Variants in SLC9B2 observed in about 807,000 individuals in gnomAD.
The protein encoded by SLC9B2 is solute carrier family 9 member B2, also known as sodium/hydrogen exchanger 9B2.
In SLC9B2, 39 loss-of-function variants were observed where a neutral mutation model predicts 52.2. The ratio of observed to expected loss-of-function variants is 0.75; its 90% CI spans 0.58 to 0.98. The LOEUF is 0.98. Ranked by LOEUF, SLC9B2 falls within the 50% of genes least tolerant of loss-of-function variation. The probability of loss-of-function intolerance (pLI) is 0.00; values close to 1 mark genes in which losing one functional copy is unlikely to be tolerated. For synonymous variants in SLC9B2, 214 were observed against 227.0 expected, an observed-to-expected ratio of 0.94 and a Z score of 0.51; for missense variants, 626 against 637.5, an observed-to-expected ratio of 0.98 and a Z score of 0.19.
At chr4:103,056,797 T>C (rs1246512605) in intron 4 of SLC9B2, among the ~76,000 whole-genome samples, 1 of 152,216 alleles carries the variant, frequency 6.6e-6, no homozygotes, top group Non-Finnish European at 1.5e-5. Flanking sequence ...GTTGCAGTTC[T>C]ACCAAGATTT....
At chr4:103,019,517 TACCGCAAGGAAAC>T, downstream of SLC9B2, 1 of 937,068 alleles carries the variant, frequency 1.1e-6, no homozygotes, top group Non-Finnish European at 1.3e-6. Context: ...TCCTGCGGCC[TACCGCAAGGAAAC>T]GATCGCGGCA....
chr4:103,031,909 C>G (rs1350931243), intron 9 of SLC9B2, 101 bp from the exon 10 acceptor site: 2 of 1,181,066 alleles, frequency 1.7e-6, no homozygotes, highest in Admixed American at 4.3e-5. Context: ...CTGAGATAAG[C>G]TTTATTTCTG....
At chr4:103,066,546 T>C (rs1746147580) in intron 2 of SLC9B2, 39 bp from the exon 3 acceptor site, 1 of 1,568,134 alleles carries the variant, frequency 6.4e-7, no homozygotes, top group South Asian at 1.2e-5. Context: ...TAAAACTGTA[T>C]ATATTTTACA....
At chr4:103,073,610 A>G (rs1266884794) in intron 1 of SLC9B2, among the ~76,000 whole-genome samples, 1 of 152,220 alleles carries the variant, frequency 6.6e-6, no homozygotes, top group Non-Finnish European at 1.5e-5. Flanking sequence ...ACCAAAGGAA[A>G]ACAACCGCTA....
intron 6 of SLC9B2, 143 bp downstream of exon 6, chr4:103,048,750 A>G: frequency 9.7e-7 from 1 of 1,030,538 alleles, no homozygotes; most frequent in East Asian, 2.8e-5. Flanking sequence ...TTTTGAAGTT[A>G]GAATATTTAA....
At chr4:103,021,629 T>A (rs1741798520), downstream of SLC9B2, among the ~76,000 whole-genome samples, 1 of 152,236 alleles carries the variant, frequency 6.6e-6, no homozygotes, top group South Asian at 2.1e-4. Flanking sequence ...AGCAATTTTT[T>A]AAAACTATAC....
intron 1 of SLC9B2, among the ~76,000 whole-genome samples, chr4:103,073,370 T>C (rs1298491613): frequency 1.3e-5 from 2 of 152,192 alleles, no homozygotes; most frequent in Non-Finnish European, 2.9e-5. Flanking sequence ...ACAGTATTTC[T>C]ACATAGAACA....
intron 10 of SLC9B2, among the ~76,000 whole-genome samples, chr4:103,030,121 T>C (rs1449534596): frequency 6.6e-6 from 1 of 152,102 alleles, no homozygotes; most frequent in African/African-American, 2.4e-5. Context: ...GAAGTTTTAG[T>C]TGAGTTTGAA....
At chr4:103,043,164 T>C (rs1166258487) in intron 9 of SLC9B2, 132 bp downstream of exon 9, 1 of 957,576 alleles carries the variant, frequency 1.0e-6, no homozygotes, top group Non-Finnish European at 1.5e-6. Context: ...TGGGTGTACA[T>C]TTGTATATGC....
chr4:103,064,498 G>T (rs966146489), intron 3 of SLC9B2, among the ~76,000 whole-genome samples: 2 of 152,146 alleles, frequency 1.3e-5, no homozygotes, highest in African/African-American at 4.8e-5. Context: ...CTGGGGAGGG[G>T]AGGAGCTTGG....
chr4:103,072,606 C>T (rs527493921), intron 1 of SLC9B2, among the ~76,000 whole-genome samples: 1 of 152,078 alleles, frequency 6.6e-6, no homozygotes, highest in South Asian at 2.1e-4. Flanking sequence ...CTGTAATATT[C>T]CAGAAGAAAT....
intron 1 of SLC9B2, 134 bp downstream of exon 1, chr4:103,076,048 GAC>G (rs1472880410): frequency 6.6e-6 from 1 of 152,314 alleles, no homozygotes; most frequent in African/African-American, 2.4e-5. Flanking sequence ...ACAGTAAACA[GAC>G]ACGCGCCCGT....
At position 103,047,387 on chromosome 4, in the gene SLC9B2, GTTTT is replaced by G. The variant is rs566315851; in HGVS notation, c.714-165_714-162del. Among the ~76,000 whole-genome samples the G allele has an allele frequency of 4.2e-5, 6 of 141,208 alleles. No individual in the cohort carries two copies. The South Asian group carries it at 1.1e-3, about 27-fold the overall frequency. The allele number at this position is 141,208 out of a possible 152,430, so 92.6% of individuals were successfully genotyped here. On this transcript the variant is annotated intron_variant, in intron 6 of 11. Transcript: ENST00000394785. ...CAAACTTTAATAAGAATTGTTTTTT[GTTTT>G]TTTTTCTTTTTTTTATTATACTTTA...
At chr4:103,062,717 TCTC>T (rs1745775263) in intron 3 of SLC9B2, among the ~76,000 whole-genome samples, 1 of 152,154 alleles carries the variant, frequency 6.6e-6, no homozygotes, top group South Asian at 2.1e-4. Flanking sequence ...TTCAAGTGAT[TCTC>T]CTGTCTCAGC....
chr4:103,069,127 CTT>C (rs1195775220), intron 1 of SLC9B2, among the ~76,000 whole-genome samples: 8 of 152,018 alleles, frequency 5.3e-5, no homozygotes, highest in South Asian at 2.1e-4. Flanking sequence ...AATTAAAAAA[CTT>C]ATTTCAAAAT....
chr4:103,039,516 A>T (rs1414014013), intron 9 of SLC9B2, among the ~76,000 whole-genome samples: 3 of 152,170 alleles, frequency 2.0e-5, no homozygotes, highest in Non-Finnish European at 1.5e-5. Context: ...TTTGGTTCCT[A>T]CAGGAATAAG....
chr4:103,050,205 T>C, intron 5 of SLC9B2, 35 bp downstream of exon 5: 1 of 1,522,516 alleles, frequency 6.6e-7, no homozygotes, highest in East Asian at 2.4e-5. Context: ...AGAAACAAGA[T>C]TCCTATTTAA....
At chr4:103,075,438 T>C (rs1182020701) in intron 1 of SLC9B2, among the ~76,000 whole-genome samples, 1 of 152,240 alleles carries the variant, frequency 6.6e-6, no homozygotes, top group African/African-American at 2.4e-5. Flanking sequence ...TCTGGTGTGA[T>C]AGGCACAAGA....
In SLC9B2 at chr4:103,026,556, C is replaced by T. The variant is rs755422042; in HGVS notation, c.1428G>A (p.Arg476=). ...AIGSVALDTA[R]SHGEKQLEDY... ...CTTCTAATTGTTTCTCTCCATGTGA[C>T]CTTGCTGTGTCCAAAGCCACAGATC... The change falls in exon 12 of 12, where the codon AGG becomes AGA. Residue 476 remains arginine (R), a synonymous_variant. Coordinates refer to ENST00000394785, the MANE Select transcript of SLC9B2 (RefSeq NM_178833.7). 6.2e-7 allele frequency: 1 copy of T among 1,613,698 alleles called. No individual in the cohort carries two copies. The highest frequency in any genetic ancestry group is 1.1e-5 in the South Asian group (1 of 91,034).
Sources: allele counts gnomAD v4.1 joint callset (sites outside exome capture counted in the v4.1 genomes callset), GRCh38; gene constraint gnomAD v4.1.1; transcripts MANE v1.5; gene names NCBI Gene and HGNC (gene_info 2026-07-23, HGNC 2026-07-21).